CCDC39: variants seen among roughly 807,000 people sequenced by gnomAD.
CCDC39 encodes coiled-coil domain 39 molecular ruler complex subunit.
A neutral mutation model predicts 121.0 loss-of-function variants in CCDC39; 113 were observed. The ratio of observed to expected loss-of-function variants is 0.93; its 90% CI spans 0.80 to 1.09. The LOEUF (loss-of-function observed/expected upper bound fraction) is 1.09. CCDC39 is among the 50% of genes least tolerant of loss of function. The pLI is 0.00. For synonymous variants in CCDC39, 349 were observed against 352.2 expected (o/e 0.99, Z 0.10); for missense variants, 1,063 against 1,074.7 (o/e 0.99, Z 0.15).
intron 8 of CCDC39, 106 bp downstream of exon 8, chr3:180,652,057 C>T (rs995005813): frequency 1.0e-5 from 7 of 682,512 alleles, no homozygotes; most frequent in Non-Finnish European, 1.7e-5. Flanking sequence ...AAAGTAGTAG[C>T]TAAAATATTG....
intron 15 of CCDC39, 85 bp downstream of exon 15, chr3:180,619,725 TG>T (rs1208174793): frequency 1.2e-6 from 1 of 821,044 alleles, no homozygotes; most frequent in Non-Finnish European, 1.8e-6. Flanking sequence ...AGTTTGCTTT[TG>T]TTCTTCCTCA....
chr3:180,614,941 T>C lies in CCDC39; in HGVS notation c.2806A>G (p.Ser936Gly). The change falls in exon 20 of 20, where the codon AGC (serine) becomes GGC (glycine). Residue 936 changes from serine (S) to glycine (G), a missense_variant. Transcript: ENST00000476379. Reference protein sequence around the residue: ...SASSSSSNVKSKKSSK With the variant: ...SASSSSSNVKGKKSSK Reference sequence around the variant, plus strand: ...AATGTTTATTTGCTGCTCTTTTTGCTCTTAACATTACTAGAGCTACTACTA... The same window carrying C: ...AATGTTTATTTGCTGCTCTTTTTGCCCTTAACATTACTAGAGCTACTACTA... 3 of 1,565,122 alleles carry C rather than the reference T, an allele frequency of 1.9e-6. No homozygotes were observed. The highest frequency in any genetic ancestry group is 2.6e-6 in the Non-Finnish European group (3 of 1,153,000).
At chr3:180,631,650 C>G in intron 13 of CCDC39, 58 bp from the exon 14 acceptor site, 1 of 1,428,660 alleles carries the variant, frequency 7.0e-7, no homozygotes, top group Non-Finnish European at 9.5e-7. Context: ...TTTTAAAGGA[C>G]TATCAAGTGT....
At chr3:180,676,705 A>G (rs1342028469) in intron 1 of CCDC39, among the ~76,000 whole-genome samples, 7 of 152,328 alleles carry the variant, frequency 4.6e-5, no homozygotes, top group East Asian at 1.9e-4. Flanking sequence ...TGTTTATTGC[A>G]GCACTATTCA....
At chr3:180,620,548 G>A (rs1381946513) in intron 14 of CCDC39, among the ~76,000 whole-genome samples, 1 of 151,946 alleles carries the variant, frequency 6.6e-6, no homozygotes, top group Non-Finnish European at 1.5e-5. Flanking sequence ...GGGTAATGCT[G>A]TCACTGGGCT....
chr3:180,637,178 G>A (rs534851513), intron 13 of CCDC39, among the ~76,000 whole-genome samples: 2 of 152,120 alleles, frequency 1.3e-5, no homozygotes, highest in African/African-American at 4.8e-5. Flanking sequence ...TGCAAACTCT[G>A]CATCTGATAA....
At chr3:180,663,503 T>C (rs1486640596) in intron 2 of CCDC39, among the ~76,000 whole-genome samples, 1 of 151,980 alleles carries the variant, frequency 6.6e-6, no homozygotes, top group Non-Finnish European at 1.5e-5. Context: ...TGAAATCCCA[T>C]CTTTACCAAA....
chr3:180,675,814 A>G (rs1560096694), intron 1 of CCDC39, among the ~76,000 whole-genome samples: 2 of 152,268 alleles, frequency 1.3e-5, no homozygotes, highest in Admixed American at 1.3e-4. Flanking sequence ...CCAATGGAAC[A>G]GAATAGAGCC....
intron 9 of CCDC39, among the ~76,000 whole-genome samples, chr3:180,649,868 ATCT>A: frequency 6.6e-6 from 1 of 152,378 alleles, no homozygotes; most frequent in Middle Eastern, 3.4e-3. Context: ...TACTAATATC[ATCT>A]GTTACAGGGA....
intron 1 of CCDC39, among the ~76,000 whole-genome samples, chr3:180,673,755 T>C (rs1445810798): frequency 1.3e-5 from 2 of 151,996 alleles, no homozygotes; most frequent in Admixed American, 1.3e-4. Context: ...GTAACAGTTG[T>C]AAAACAGGCC....
chr3:180,660,249 T>G lies in CCDC39; in HGVS notation c.516+321A>C, dbSNP rs552750883. 3.9e-5 allele frequency among the ~76,000 whole-genome samples: 6 copies of G among 152,212 alleles called. No individual in the cohort carries two copies. The South Asian group carries it at 1.2e-3, about 32-fold the overall frequency. On this transcript the variant is annotated intron_variant, in intron 4 of 19. Transcript: ENST00000476379. ...AATAGCTAAAATATATTAAAATAGT[T>G]CTAGTGGAAAACTTTCTCTTCTGAA...
chr3:180,632,262 G>A (rs1717718352), intron 13 of CCDC39, among the ~76,000 whole-genome samples: 1 of 152,140 alleles, frequency 6.6e-6, no homozygotes, highest in Non-Finnish European at 1.5e-5. Flanking sequence ...TCTTAAATCT[G>A]TTGGTTACTT....
chr3:180,674,185 G>A (rs899234405), intron 1 of CCDC39, among the ~76,000 whole-genome samples: 7 of 152,030 alleles, frequency 4.6e-5, no homozygotes, highest in Non-Finnish European at 7.4e-5. Context: ...CCTTGAAGAG[G>A]TCTTTCACAT....
intron 13 of CCDC39, among the ~76,000 whole-genome samples, chr3:180,641,154 C>A (rs930964033): frequency 3.3e-5 from 5 of 151,970 alleles, no homozygotes; most frequent in African/African-American, 4.8e-5. Context: ...TTAAACACAA[C>A]AGATTGAAGA....
At chr3:180,649,221 T>C (rs1718143441) in intron 9 of CCDC39, among the ~76,000 whole-genome samples, 2 of 152,244 alleles carry the variant, frequency 1.3e-5, no homozygotes, top group East Asian at 3.9e-4. Context: ...CTCCACCACG[T>C]GCAGCTCTAG....
rs139560004 is a variant in CCDC39 at position 180,616,568 on chromosome 3, A to G, written c.2534T>C (p.Ile845Thr). Residue 845 changes from isoleucine (I) to threonine (T), a missense_variant, in exon 18 of 20, where the codon ATC (isoleucine) becomes ACC (threonine). Coordinates refer to ENST00000476379, the MANE Select transcript of CCDC39 (RefSeq NM_181426.2). ...ACGGATCTCAGTATTTTCTTCTATG[A>G]TATCAACTAACATTTCATCAATAAC... ...HKVIDEMLVDIIEENTEIRII... is the reference protein window; with the variant it reads ...HKVIDEMLVDTIEENTEIRII... 3.3e-4 allele frequency: 529 copies of G among 1,600,572 alleles called. No individual in the cohort carries two copies. The African/African-American group carries it at 5.4e-3, about 16-fold the overall frequency.
Position 180,614,481 on chromosome 3 carries a change from T to A in CCDC39, c.*440A>T, listed in dbSNP as rs1170448749. The A allele has an allele frequency of 6.5e-6, 1 of 153,244 alleles. No homozygotes were observed. Among genetic ancestry groups the A allele is most frequent in the African/African-American group, 2.4e-5 (1 of 41,432 alleles). 9.5% of individuals were successfully genotyped at this position (153,244 alleles called of 1,614,324 possible). On this transcript the variant is annotated 3_prime_UTR_variant, in exon 20 of 20. Transcript: ENST00000476379. The stretch of plus-strand genomic sequence containing the variant: ...TTCTCCCCAAAAGTCTGAGAAATAG[T>A]TACTTTGAATAAAGAAAACCTAATT...
chr3:180,654,705 A>G (rs1711541806), intron 7 of CCDC39, 57 bp downstream of exon 7: 2 of 1,179,386 alleles, frequency 1.7e-6, no homozygotes, highest in African/African-American at 1.6e-5. Flanking sequence ...TGCTTATTTT[A>G]TATTTTATAG....
chr3:180,650,956 T>C (rs1053027509), intron 9 of CCDC39, among the ~76,000 whole-genome samples: 7 of 151,702 alleles, frequency 4.6e-5, no homozygotes, highest in Admixed American at 1.3e-4. Context: ...CTCACACCTG[T>C]AATCCCAGCA....
Sources: allele counts gnomAD v4.1 joint callset (sites outside exome capture counted in the v4.1 genomes callset), GRCh38; gene constraint gnomAD v4.1.1; transcripts MANE v1.5; gene names NCBI Gene and HGNC (gene_info 2026-07-23, HGNC 2026-07-21).